The following CCSER1 variants were observed in gnomAD, a reference collection of about 807,000 sequenced individuals.
CCSER1 encodes coiled-coil serine rich protein 1.
Under a neutral mutation model 82.0 loss-of-function variants are expected in CCSER1, and 41 were observed. The observed-to-expected ratio is 0.50, with a 90% CI of 0.39 to 0.65. The LOEUF is 0.65. Ranked by LOEUF, CCSER1 falls within the 30% of genes least tolerant of loss-of-function variation. CCSER1 has a pLI of 0.00. For missense variants in CCSER1, 1,119 were observed against 1,064.2 expected, an observed-to-expected ratio of 1.05 and a Z score of -0.72; for synonymous variants, 414 against 383.9, an observed-to-expected ratio of 1.08 and a Z score of -0.92.
At chr4:90,860,175 T>C (rs983978030) in intron 8 of CCSER1, among the ~76,000 whole-genome samples, 1 of 151,620 alleles carries the variant, frequency 6.6e-6, no homozygotes, top group Non-Finnish European at 1.5e-5. Context: ...AATAACCTAG[T>C]TTTAAAATGG....
chr4:90,837,495 G>A (rs1561222721), intron 8 of CCSER1, among the ~76,000 whole-genome samples: 1 of 152,050 alleles, frequency 6.6e-6, no homozygotes, highest in Non-Finnish European at 1.5e-5. Context: ...TCTGTAAAAT[G>A]GAGATTATAA....
intron 5 of CCSER1, among the ~76,000 whole-genome samples, chr4:90,469,349 A>G (rs1331088548): frequency 6.6e-6 from 1 of 152,142 alleles, no homozygotes; most frequent in Non-Finnish European, 1.5e-5. Context: ...ACACTGACCA[A>G]TTTAGAAAAT....
intron 1 of CCSER1, among the ~76,000 whole-genome samples, chr4:90,291,655 G>A (rs1011577900): frequency 6.6e-6 from 1 of 151,972 alleles, no homozygotes; most frequent in Non-Finnish European, 1.5e-5. Flanking sequence ...AGAAAGGAAA[G>A]AAATGAGCTA....
intron 9 of CCSER1, among the ~76,000 whole-genome samples, chr4:91,068,339 A>T (rs983436321): frequency 6.6e-6 from 1 of 152,238 alleles, no homozygotes; most frequent in Non-Finnish European, 1.5e-5. Context: ...ATCTGTCAAA[A>T]TTATGAAACA....
chr4:90,672,293 G>A (rs1732941206), intron 6 of CCSER1, among the ~76,000 whole-genome samples: 1 of 151,954 alleles, frequency 6.6e-6, no homozygotes, highest in Non-Finnish European at 1.5e-5. Context: ...TAGATCTTCT[G>A]GATAACTTGC....
chr4:90,218,570 T>C (rs1300878067), intron 1 of CCSER1, among the ~76,000 whole-genome samples: 1 of 152,210 alleles, frequency 6.6e-6, no homozygotes, highest in African/African-American at 2.4e-5. Context: ...GCTTTAATTA[T>C]TGAGTTATAT....
intron 10 of CCSER1, among the ~76,000 whole-genome samples, chr4:91,575,072 C>T (rs1168768590): frequency 6.6e-6 from 1 of 151,702 alleles, no homozygotes; most frequent in Non-Finnish European, 1.5e-5. Context: ...TATATAGGGT[C>T]AACTAATCTT....
chr4:91,130,208 A>G (rs1727879310), intron 10 of CCSER1, among the ~76,000 whole-genome samples: 1 of 151,902 alleles, frequency 6.6e-6, no homozygotes, highest in Non-Finnish European at 1.5e-5. Context: ...TTGGAGAAAA[A>G]GTATTTAAAA....
chr4:91,466,682 A>C (rs76096759), intron 10 of CCSER1, among the ~76,000 whole-genome samples: 101,970 of 151,904 alleles, frequency 0.67, 34,538 homozygotes, highest in East Asian at 0.89. Flanking sequence ...CAATGTGCAA[A>C]AATCACAAGC....
At chr4:90,475,473 T>C (rs1360024175) in intron 5 of CCSER1, among the ~76,000 whole-genome samples, 1 of 152,184 alleles carries the variant, frequency 6.6e-6, no homozygotes, top group Non-Finnish European at 1.5e-5. Context: ...AAGTTAGGGA[T>C]GGGAGGAGAA....
chr4:91,360,124 A>T (rs1204434583), intron 10 of CCSER1, among the ~76,000 whole-genome samples: 1 of 151,742 alleles, frequency 6.6e-6, no homozygotes, highest in Non-Finnish European at 1.5e-5. Context: ...TATAGTTCAA[A>T]ATTTGAAATT....
At chr4:90,803,040 A>G (rs1757030650) in intron 7 of CCSER1, among the ~76,000 whole-genome samples, 3 of 152,152 alleles carry the variant, frequency 2.0e-5, no homozygotes, top group African/African-American at 7.2e-5. Context: ...AAAGCCCTCC[A>G]GAGAGAAGAC....
At chr4:90,898,823 GT>G (rs1366532929) in intron 8 of CCSER1, among the ~76,000 whole-genome samples, 1 of 151,710 alleles carries the variant, frequency 6.6e-6, no homozygotes, top group East Asian at 1.9e-4. Flanking sequence ...TTATGTATTG[GT>G]ACCATACTGT....
chr4:90,873,419 C>T (rs1766812090), intron 8 of CCSER1, among the ~76,000 whole-genome samples: 1 of 152,068 alleles, frequency 6.6e-6, no homozygotes, highest in Non-Finnish European at 1.5e-5. Flanking sequence ...AGAGTTTCTG[C>T]TTTGGTGTTC....
chr4:91,070,472 T>C (rs1721314146), intron 9 of CCSER1, among the ~76,000 whole-genome samples: 1 of 152,190 alleles, frequency 6.6e-6, no homozygotes, highest in South Asian at 2.1e-4. Flanking sequence ...TTGTGCTCTT[T>C]GGCAGGGGTC....
intron 8 of CCSER1, among the ~76,000 whole-genome samples, chr4:90,906,703 C>T (rs770147139): frequency 1.4e-4 from 21 of 151,900 alleles, no homozygotes; most frequent in Non-Finnish European, 2.9e-4. Flanking sequence ...CAAGTTAAAG[C>T]TGGAAAAATC....
chr4:91,478,406 G>A (rs1351680098), intron 10 of CCSER1, among the ~76,000 whole-genome samples: 2 of 151,748 alleles, frequency 1.3e-5, no homozygotes, highest in Non-Finnish European at 3.0e-5. Flanking sequence ...GTTAAATATT[G>A]TAGAAAATTG....
intron 9 of CCSER1, among the ~76,000 whole-genome samples, chr4:90,960,962 T>G (rs1366575848): frequency 6.6e-6 from 1 of 152,176 alleles, no homozygotes; most frequent in Admixed American, 6.6e-5. Context: ...ACAGGCAGTT[T>G]GGCTCAGAGT....
chr4:91,482,729 T>C (rs556323702), intron 10 of CCSER1, among the ~76,000 whole-genome samples: 259 of 152,076 alleles, frequency 1.7e-3, no homozygotes, highest in African/African-American at 6.1e-3. Flanking sequence ...ATTAAGAAAA[T>C]GTGGCACATA....
Sources: allele counts gnomAD v4.1 joint callset (sites outside exome capture counted in the v4.1 genomes callset), GRCh38; gene constraint gnomAD v4.1.1; transcripts MANE v1.5; gene names NCBI Gene and HGNC (gene_info 2026-07-23, HGNC 2026-07-21).